The following CPSF3 variants were observed in gnomAD, a reference collection of about 807,000 sequenced individuals.
CPSF3 encodes the protein cleavage and polyadenylation specific factor 3.
Under a neutral mutation model 84.1 loss-of-function variants are expected in CPSF3, and 57 were observed. The ratio of observed to expected loss-of-function variants is 0.68; its 90% CI spans 0.55 to 0.85. The LOEUF is 0.85. Among genes scored for constraint, CPSF3 ranks in the 40% least tolerant of loss-of-function variants. The probability of loss-of-function intolerance (pLI) is 0.00; values close to 1 mark genes in which losing one functional copy is unlikely to be tolerated. For synonymous variants in CPSF3, 275 were observed against 278.1 expected (o/e 0.99, Z 0.11); for missense variants, 522 against 838.8 (o/e 0.62, Z 4.66).
intron 11 of CPSF3, among the ~76,000 whole-genome samples, chr2:9,449,747 A>G (rs1400751749): frequency 6.6e-6 from 1 of 152,160 alleles, no homozygotes; most frequent in Non-Finnish European, 1.5e-5. Flanking sequence ...GTCTCAAAAA[A>G]ATAAAAAAAG....
intron 7 of CPSF3, among the ~76,000 whole-genome samples, chr2:9,439,197 A>G (rs779226573): frequency 3.3e-5 from 5 of 152,256 alleles, no homozygotes; most frequent in Non-Finnish European, 5.9e-5. Flanking sequence ...TTCACACAAT[A>G]ATCAGCCTTT....
rs775427027 is a variant in CPSF3, at chr2:9,457,013, A to G, written c.1684A>G (p.Met562Val). Residue 562 changes from methionine to valine, a missense_variant, in exon 14 of 18, where the codon ATG becomes GTG. Met to Val is a conservative substitution (Grantham distance 21, BLOSUM62 1). Around this residue, in one of 2 missense-constraint regions of CPSF3, gnomAD observed 193 missense variants for 231.6 expected, o/e 0.83. Transcript: ENST00000238112. ...TATTACTGTAATACAAGAACCAGGC[A>G]TGGTGGTATTAGAAGTAAGAAAAGA... ...KNITVIQEPG[M>V]VVLEWLANPS... 6.3e-7 allele frequency: 1 copy of G among 1,591,272 alleles called. No homozygotes were observed. Among genetic ancestry groups the G allele is most frequent in the Non-Finnish European group, 8.6e-7 (1 of 1,166,194 alleles).
At chr2:9,429,516 T>C (rs1322334978) in intron 2 of CPSF3, among the ~76,000 whole-genome samples, 2 of 152,240 alleles carry the variant, frequency 1.3e-5, no homozygotes, top group Non-Finnish European at 2.9e-5. Flanking sequence ...CCTTAAAATA[T>C]TTAAATTACC....
chr2:9,423,794 G>A lies in CPSF3; in HGVS notation c.21G>A (p.Glu7=). Residue 7 remains glutamate (E), a synonymous_variant, in exon 1 of 18, where the codon GAG becomes GAA. Coordinates refer to ENST00000238112, the MANE Select transcript of CPSF3 (RefSeq NM_016207.4). The stretch of plus-strand genomic sequence containing the variant: ...TCGGGATGTCTGCGATTCCTGCTGA[G>A]GAGAGCGACCAGCTGCTGATCCGAC... MSAIPA[E]ESDQLLIRPL... is the part of the protein sequence containing the mutation. The A allele has an allele frequency of 6.2e-7, 1 of 1,613,778 alleles. No homozygotes were observed. Among genetic ancestry groups the A allele is most frequent in the Non-Finnish European group, 8.5e-7 (1 of 1,179,884 alleles).
At chr2:9,445,548 AT>A (rs1363514275) in intron 10 of CPSF3, among the ~76,000 whole-genome samples, 1 of 152,144 alleles carries the variant, frequency 6.6e-6, no homozygotes, top group Non-Finnish European at 1.5e-5. Context: ...TGAGCAGATT[AT>A]TTGGTCAAGA....
Position 9,433,288 on chromosome 2 carries a change from T to C in CPSF3, c.520-583T>C, listed in dbSNP as rs112682451. On this transcript the variant is annotated intron_variant, in intron 5 of 17. Transcript: ENST00000238112. ...AAATCTGGAGGCGCAGCTTGGCCTT[T>C]TCCTTTTCGAGTTTGCTAGGTGATT... Among the ~76,000 whole-genome samples the C allele has an allele frequency of 5.0e-3, 766 of 152,318 alleles. 1 individual carries two copies. The highest frequency in any genetic ancestry group is 0.018 in the African/African-American group (731 of 41,560).
intron 7 of CPSF3, among the ~76,000 whole-genome samples, chr2:9,438,981 T>G (rs1680877397): frequency 6.6e-6 from 1 of 152,180 alleles, no homozygotes; most frequent in Non-Finnish European, 1.5e-5. Flanking sequence ...ATTCAGAGTT[T>G]ATTCATAAAA....
At chr2:9,455,555 A>G in intron 12 of CPSF3, 104 bp from the exon 13 acceptor site, 1 of 798,288 alleles carries the variant, frequency 1.3e-6, no homozygotes, top group South Asian at 1.7e-5. Context: ...AGCTTTCTGA[A>G]AAACATGTTC....
intron 16 of CPSF3, 63 bp from the exon 17 acceptor site, chr2:9,471,280 T>C (rs998582175): frequency 1.5e-5 from 15 of 997,668 alleles, no homozygotes; most frequent in Non-Finnish European, 2.4e-5. Context: ...TTCAGTTTTA[T>C]TTTTTCCTCA....
chr2:9,469,529 G>A (rs951182609), intron 16 of CPSF3, among the ~76,000 whole-genome samples: 2 of 152,282 alleles, frequency 1.3e-5, no homozygotes, highest in East Asian at 3.9e-4. Flanking sequence ...ACATTGCTGT[G>A]GCTGGTCCTC....
chr2:9,424,304 T>G, intron 1 of CPSF3: 1 of 961,586 alleles, frequency 1.0e-6, no homozygotes, highest in Non-Finnish European at 1.2e-6. Flanking sequence ...TATTAGGGAC[T>G]TGCCGTGAGT....
rs879130473 is a variant in CPSF3, at chr2:9,443,777, G to A, written c.1242+116G>A. The A allele has an allele frequency of 7.3e-5, 80 of 1,098,084 alleles. No individual in the cohort carries two copies. In the South Asian group the frequency reaches 1.2e-3, roughly 17 times the overall value. 68.0% of individuals were successfully genotyped at this position (1,098,084 alleles called of 1,614,324 possible). On this transcript the variant is annotated intron_variant, in intron 10 of 17. Coordinates refer to ENST00000238112, the MANE Select transcript of CPSF3 (RefSeq NM_016207.4). ...ATCACCTACTAATGCGACACCCCCTGAGCAGAGCCTTTCACATGCACTCGG... is the reference window on the plus strand; with the variant it reads ...ATCACCTACTAATGCGACACCCCCTAAGCAGAGCCTTTCACATGCACTCGG...
At chr2:9,462,844 G>C (rs1376101198) in intron 15 of CPSF3, among the ~76,000 whole-genome samples, 1 of 152,208 alleles carries the variant, frequency 6.6e-6, no homozygotes. Flanking sequence ...AGACAGGTTA[G>C]AACTGGGCTG....
Position 9,448,253 on chromosome 2 carries a change from G to A in CPSF3, c.1298G>A (p.Arg433Gln). ...EMARLKAALI[R>Q]EYEDNDEVHI... is the part of the protein sequence containing the mutation. ...GCCAGATTGAAAGCAGCACTGATTC[G>A]AGAATATGAAGATAACGATGAAGTT... Residue 433 changes from arginine (R) to glutamine (Q), a missense_variant, in exon 11 of 18, where the codon CGA (arginine) becomes CAA (glutamine). Arg to Gln is a conservative substitution (Grantham distance 43, BLOSUM62 1). Coordinates refer to ENST00000238112, the MANE Select transcript of CPSF3 (RefSeq NM_016207.4). 1.2e-6 allele frequency: 2 copies of A among 1,612,064 alleles called. No individual in the cohort carries two copies. Among genetic ancestry groups the A allele is most frequent in the Non-Finnish European group, 1.7e-6 (2 of 1,178,364 alleles).
At chr2:9,468,720 G>A (rs1438583466) in intron 16 of CPSF3, among the ~76,000 whole-genome samples, 2 of 146,186 alleles carry the variant, frequency 1.4e-5, no homozygotes, top group African/African-American at 5.1e-5. Flanking sequence ...TCCACCTCTC[G>A]GGTTCAAGCG....
intron 11 of CPSF3, among the ~76,000 whole-genome samples, chr2:9,449,469 C>T (rs192662045): frequency 5.4e-4 from 82 of 152,048 alleles, no homozygotes; most frequent in Non-Finnish European, 1.1e-3. Flanking sequence ...AGGCTGGGCA[C>T]GGTGGCTCAC....
intron 1 of CPSF3, 87 bp downstream of exon 1, chr2:9,423,910 G>A (rs1680219807): frequency 2.6e-6 from 4 of 1,554,108 alleles, no homozygotes; most frequent in Non-Finnish European, 3.5e-6. Flanking sequence ...CGTCGCCCGC[G>A]CTCCCACCTA....
Position 9,440,538 on chromosome 2 carries a change from T to A in CPSF3, c.808T>A (p.Tyr270Asn). The change falls in exon 8 of 18, where the codon TAT becomes AAT. Residue 270 changes from tyrosine (Y) to asparagine (N), a missense_variant. Physicochemically the swap from Tyr to Asn is moderately radical, Grantham distance 143. Transcript: ENST00000238112. ...AGAACTACATGACATTCCAATATAC[T>A]ATGCATCATCTTTGGCCAAGAAGTG... ...HPELHDIPIY[Y>N]ASSLAKKCMA... 6.2e-7 allele frequency: 1 copy of A among 1,614,230 alleles called. No homozygotes were observed.
At position 9,448,347 on chromosome 2, in the gene CPSF3, C is replaced by A. The variant is rs1558457773; in HGVS notation, c.1392C>A (p.Ala464=). The A allele has an allele frequency of 1.9e-6, 3 of 1,610,574 alleles. No homozygotes were observed. In the South Asian group the frequency reaches 3.3e-5, roughly 18 times the overall value. ...VTLNFRGEKL[A]KVMGFLADKK... Reference sequence around the variant, plus strand: ...TAAACTTCAGAGGAGAAAAACTAGCCAAGGTAAAAGGTTATGGTTCCTGTC... The same window carrying A: ...TAAACTTCAGAGGAGAAAAACTAGCAAAGGTAAAAGGTTATGGTTCCTGTC... The change falls in exon 11 of 18, where the codon GCC becomes GCA. Residue 464 remains alanine (A), a synonymous_variant. Coordinates refer to ENST00000238112, the MANE Select transcript of CPSF3 (RefSeq NM_016207.4).
Sources: gnomAD v4.1 joint callset for allele counts (sites outside exome capture counted in the v4.1 genomes callset) on GRCh38, gnomAD v4.1.1 for gene constraint, gnomAD v4.1.1 regional missense constraint, MANE v1.5 for transcripts, NCBI Gene and HGNC (gene_info 2026-07-23, HGNC 2026-07-21) for gene names.